Variants in DLGAP1 observed in about 807,000 individuals in gnomAD.
The protein encoded by DLGAP1 is disks large-associated protein 1.
Under a neutral mutation model 90.8 loss-of-function variants are expected in DLGAP1, and 11 were observed. That is an observed-to-expected ratio of 0.12 (90% confidence interval 0.08 to 0.20). The LOEUF (loss-of-function observed/expected upper bound fraction) is 0.20, where lower values mean the gene tolerates loss of function less well. DLGAP1 is among the 10% of genes least tolerant of loss of function. The probability of loss-of-function intolerance (pLI) is 1.00; values close to 1 mark genes in which losing one functional copy is unlikely to be tolerated. For missense variants in DLGAP1, 1,050 were observed against 1,333.8 expected (o/e 0.79, Z 3.31); for synonymous variants, 558 against 540.7 (o/e 1.03, Z -0.44).
chr18:4,226,671 T>G (rs1272529413), intron 1 of DLGAP1, among the ~76,000 whole-genome samples: 5 of 91,088 alleles, frequency 5.5e-5, no homozygotes, highest in Non-Finnish European at 1.1e-4. Context: ...TTTGCAAGAC[T>G]CATGGTAAAC....
At chr18:4,438,272 G>A (rs2144803875) in intron 1 of DLGAP1, among the ~76,000 whole-genome samples, 1 of 152,044 alleles carries the variant, frequency 6.6e-6, no homozygotes, top group East Asian at 1.9e-4. Flanking sequence ...GTACTAGACT[G>A]ATGTTATCAT....
At chr18:3,717,039 CT>C (rs56981271) in intron 7 of DLGAP1, among the ~76,000 whole-genome samples, 1,296 of 113,778 alleles carry the variant, frequency 0.011, 9 homozygotes, top group African/African-American at 0.025. Context: ...GTGAGTTTGC[CT>C]TTTTTTTTTT....
In DLGAP1 at chr18:4,383,126, T is replaced by G. The variant is rs2082163085; in HGVS notation, c.-267+71880A>C. Among the ~76,000 whole-genome samples, 1 of 152,138 alleles carries G rather than the reference T, an allele frequency of 6.6e-6. No individual in the cohort carries two copies. Among genetic ancestry groups the G allele is most frequent in the South Asian group, 2.1e-4 (1 of 4,834 alleles). ...GGAATCAGAGGTTAATTACCTTCAC[T>G]CCTTTTTACAAAAGCTAAATGTCCT... On this transcript the variant is annotated intron_variant, in intron 1 of 12. Transcript: ENST00000315677. This position sits in a 1 kb window ranked among gnomAD's most constrained non-coding sequence, Gnocchi z 4.0.
chr18:3,949,462 G>A (rs986648763), intron 3 of DLGAP1, among the ~76,000 whole-genome samples: 3 of 152,140 alleles, frequency 2.0e-5, no homozygotes, highest in African/African-American at 7.2e-5. Flanking sequence ...ACAGGTCTAG[G>A]TTGTGTAGGC....
chr18:4,228,302 A>G (rs145884881), intron 1 of DLGAP1, among the ~76,000 whole-genome samples: 210 of 152,128 alleles, frequency 1.4e-3, no homozygotes, highest in Non-Finnish European at 2.1e-3. Context: ...AACTGTTCTA[A>G]AAAACAGAGG....
intron 1 of DLGAP1, among the ~76,000 whole-genome samples, chr18:4,419,825 A>G (rs112725562): frequency 6.6e-6 from 1 of 152,164 alleles, no homozygotes; most frequent in Admixed American, 6.5e-5. Flanking sequence ...CTAAATTTTT[A>G]CAAGAAGTAA....
chr18:4,004,599 T>C (rs1292240884), intron 3 of DLGAP1, among the ~76,000 whole-genome samples: 1 of 151,930 alleles, frequency 6.6e-6, no homozygotes, highest in Non-Finnish European at 1.5e-5. Flanking sequence ...AGAGGAAAAA[T>C]AGTGACTCAT....
At chr18:4,059,891 C>T (rs2075275847) in intron 2 of DLGAP1, among the ~76,000 whole-genome samples, 1 of 152,138 alleles carries the variant, frequency 6.6e-6, no homozygotes, top group Admixed American at 6.6e-5. Flanking sequence ...CAGAGGCAGG[C>T]TCAACTACTG....
At chr18:3,615,742 C>CTA (rs1340433839) in intron 7 of DLGAP1, among the ~76,000 whole-genome samples, 4 of 152,218 alleles carry the variant, frequency 2.6e-5, no homozygotes, top group African/African-American at 9.6e-5. Flanking sequence ...TTTCCCCCAA[C>CTA]TGGCTCCAGC....
chr18:3,675,318 G>A (rs575724766), intron 7 of DLGAP1, among the ~76,000 whole-genome samples: 17 of 152,086 alleles, frequency 1.1e-4, no homozygotes, highest in East Asian at 3.9e-4. Context: ...CAGGTAATCC[G>A]CCGGCCTCAG....
chr18:4,332,176 C>G (rs778009646), intron 1 of DLGAP1, among the ~76,000 whole-genome samples: 5 of 151,964 alleles, frequency 3.3e-5, no homozygotes, highest in Non-Finnish European at 5.9e-5. Context: ...AACCAGCATA[C>G]TGTGAATCCA....
chr18:4,281,507 T>C (rs984317435), intron 1 of DLGAP1, among the ~76,000 whole-genome samples: 2 of 152,112 alleles, frequency 1.3e-5, no homozygotes, highest in Admixed American at 1.3e-4. Flanking sequence ...TGAACGGAGA[T>C]TGCGCTACTG....
intron 1 of DLGAP1, among the ~76,000 whole-genome samples, chr18:4,426,274 G>A (rs1332498013): frequency 6.6e-6 from 1 of 152,150 alleles, no homozygotes; most frequent in East Asian, 1.9e-4. Context: ...CCTGATTTGA[G>A]GCCACGATAG....
rs892085861 is a variant in DLGAP1, at chr18:3,834,285, G to C, written c.958-20012C>G. 3.6e-5 allele frequency among the ~76,000 whole-genome samples: 4 copies of C among 112,178 alleles called. No individual in the cohort carries two copies. In the Admixed American group the frequency reaches 3.8e-4, roughly 11 times the overall value. 73.6% of individuals were successfully genotyped at this position (112,178 alleles called of 152,430 possible). A position where few individuals can be genotyped will look rare whatever the true frequency, so the allele number is the denominator to read the frequency against. On this transcript the variant is annotated intron_variant, in intron 4 of 12. Transcript: ENST00000315677. ...CGCGCCACTGCACTCCAGCCTGGGA[G>C]ATAGAGCAAGACTCTGTCTCAAAAA... is the stretch of plus-strand genomic sequence containing the variant.
chr18:3,692,731 ATTATC>A (rs1323816020), intron 7 of DLGAP1, among the ~76,000 whole-genome samples: 1 of 152,208 alleles, frequency 6.6e-6, no homozygotes, highest in Non-Finnish European at 1.5e-5. Context: ...GGAGAGGGAT[ATTATC>A]TTAGAATTAT....
At chr18:3,766,121 A>G (rs1343998630) in intron 5 of DLGAP1, among the ~76,000 whole-genome samples, 1 of 152,222 alleles carries the variant, frequency 6.6e-6, no homozygotes, top group Non-Finnish European at 1.5e-5. Context: ...AGGCAAGTTG[A>G]AAGCAAAAGG....
At chr18:3,580,496 C>T in intron 8 of DLGAP1, 6 of 1,582,752 alleles carry the variant, frequency 3.8e-6, no homozygotes, top group Non-Finnish European at 5.2e-6. Context: ...GGTGAGAGAC[C>T]AGGAGGAGGA....
chr18:3,577,011 C>T (rs559345159), intron 8 of DLGAP1, among the ~76,000 whole-genome samples: 4 of 152,216 alleles, frequency 2.6e-5, no homozygotes, highest in East Asian at 1.9e-4. Context: ...TACAGGCATG[C>T]ACCACCACAC....
chr18:4,342,501 T>C lies in DLGAP1; in HGVS notation c.-267+112505A>G, dbSNP rs2143864923. Among the ~76,000 whole-genome samples the C allele has an allele frequency of 6.6e-6, 1 of 152,322 alleles. No homozygotes were observed. Among genetic ancestry groups the C allele is most frequent in the Non-Finnish European group, 1.5e-5 (1 of 68,022 alleles). On this transcript the variant is annotated intron_variant, in intron 1 of 12. Transcript: ENST00000315677. This position sits in a 1 kb window ranked among gnomAD's most constrained non-coding sequence, Gnocchi z 5.8. ...CTAACTTTGATCAAATGGCCTAATG[T>C]TACCTCATTGCCCACTTTGAAAGAC...
Sources: allele counts gnomAD v4.1 joint callset (sites outside exome capture counted in the v4.1 genomes callset), GRCh38; gene constraint gnomAD v4.1.1; non-coding constraint Gnocchi (gnomAD v3.1); transcripts MANE v1.5; gene names NCBI Gene and HGNC (gene_info 2026-07-23, HGNC 2026-07-21).